The following SFI1 variants were observed in gnomAD, a reference collection of about 807,000 sequenced individuals.
SFI1 encodes the protein SFI1 centrin binding protein, also known as protein SFI1 homolog.
A neutral mutation model predicts 207.5 loss-of-function variants in SFI1; 195 were observed. The observed-to-expected ratio is 0.94, with a 90% CI of 0.84 to 1.06. The LOEUF is 1.06. Ranked by LOEUF, SFI1 falls within the 50% of genes least tolerant of loss-of-function variation. SFI1 has a pLI of 0.00. For synonymous variants in SFI1, 630 were observed against 598.9 expected (o/e 1.05, Z -0.76); for missense variants, 1,634 against 1,588.0 (o/e 1.03, Z -0.49).
In SFI1 at chr22:31,607,976, T is replaced by G; in HGVS notation, c.2197T>G (p.Tyr733Asp). The G allele has an allele frequency of 6.2e-7, 1 of 1,613,908 alleles. No homozygotes were observed. Among genetic ancestry groups the G allele is most frequent in the South Asian group, 1.1e-5 (1 of 91,070 alleles). The change falls in exon 22 of 33, where the codon TAT becomes GAT. Residue 733 changes from tyrosine (Y) to aspartate (D), a missense_variant. Transcript: ENST00000400288. ...GCGGGAAGCTGTGTCAGTGCAGATGTATTACCGACAGCAGGAGGACTGTGC... is the reference window on the plus strand; with the variant it reads ...GCGGGAAGCTGTGTCAGTGCAGATGGATTACCGACAGCAGGAGGACTGTGC... The part of the protein sequence containing the change: ...QWREAVSVQM[Y>D]YRQQEDCAIW...
At chr22:31,551,780 C>T (rs115962556) in intron 6 of SFI1, among the ~76,000 whole-genome samples, 1,960 of 152,256 alleles carry the variant, frequency 0.013, 41 homozygotes, top group African/African-American at 0.045. Flanking sequence ...CATGGCTGTG[C>T]CATTTTGCAT....
At chr22:31,512,301 G>A (rs1475033883) in intron 2 of SFI1, among the ~76,000 whole-genome samples, 3 of 150,640 alleles carry the variant, frequency 2.0e-5, no homozygotes, top group Non-Finnish European at 2.9e-5. Flanking sequence ...GTTGCGGTAA[G>A]CTGAGATTGT....
chr22:31,617,725 A>T (rs2071953506), intron 31 of SFI1, among the ~76,000 whole-genome samples: 1 of 151,994 alleles, frequency 6.6e-6, no homozygotes, highest in Non-Finnish European at 1.5e-5. Flanking sequence ...CATCTCAAAA[A>T]AAAAAAAAAA....
In SFI1 at chr22:31,617,266, C is replaced by G. The variant is rs1051222817; in HGVS notation, c.3512+188C>G. Reference sequence around the variant, plus strand: ...GAAAGACCCCATCTCCACCATGGCTCTCTACCCGGCTCAGTGCTGCTTAGG... The same window carrying G: ...GAAAGACCCCATCTCCACCATGGCTGTCTACCCGGCTCAGTGCTGCTTAGG... On this transcript the variant is annotated intron_variant, in intron 31 of 32. Coordinates refer to ENST00000400288, the MANE Select transcript of SFI1 (RefSeq NM_001007467.3). Among the ~76,000 whole-genome samples, 4 of 152,092 alleles carry G rather than the reference C, an allele frequency of 2.6e-5. No homozygotes were observed. The South Asian group carries it at 6.2e-4, about 24-fold the overall frequency.
At chr22:31,549,388 C>A (rs966562318) in intron 5 of SFI1, among the ~76,000 whole-genome samples, 1 of 149,224 alleles carries the variant, frequency 6.7e-6, no homozygotes, top group Non-Finnish European at 1.5e-5. Flanking sequence ...CTCGGTGTCA[C>A]CCGGGCTGGA....
At chr22:31,541,928 C>T (rs1217834310) in intron 4 of SFI1, among the ~76,000 whole-genome samples, 14 of 151,236 alleles carry the variant, frequency 9.3e-5, no homozygotes, top group Admixed American at 2.6e-4. Flanking sequence ...TGGTGAAACC[C>T]CGTCTCTACT....
rs1359369805 is a variant in SFI1, at chr22:31,568,220, A to G, written c.766-4838A>G. Among the ~76,000 whole-genome samples, 214 of 129,068 alleles carry G rather than the reference A, an allele frequency of 1.7e-3. 1 individual carries two copies. The highest frequency in any genetic ancestry group is 5.9e-3 in the African/African-American group (195 of 33,046). The allele number at this position is 129,068 out of a possible 152,430, so 84.7% of individuals were successfully genotyped here. A position where few individuals can be genotyped will look rare whatever the true frequency, so the allele number is the denominator to read the frequency against. ...TGTGTGTGTGTGTGTGTATATATAT[A>G]TATATATTTTTTTTTTTTTACCATA... On this transcript the variant is annotated intron_variant, in intron 8 of 32. Transcript: ENST00000400288.
At chr22:31,587,135 G>A (rs1290061461) in intron 14 of SFI1, among the ~76,000 whole-genome samples, 3 of 152,128 alleles carry the variant, frequency 2.0e-5, no homozygotes, top group Non-Finnish European at 2.9e-5. Context: ...AGTTGTGTCT[G>A]TACTGAACAT....
In SFI1 at chr22:31,590,977, TTA is replaced by T. The variant is rs1287804171; in HGVS notation, c.1544+1402_1544+1403del. ...TTTATTTATTTATTTATTTATTTAT[TTA>T]TTTTTTTATTGATAATTCTTGGGTG... is the stretch of plus-strand genomic sequence containing the variant. On this transcript the variant is annotated intron_variant, in intron 15 of 32. Transcript: ENST00000400288. Among the ~76,000 whole-genome samples, 1,282 of 150,076 alleles carry T rather than the reference TTA, an allele frequency of 8.5e-3. 13 individuals carry two copies. The highest frequency in any genetic ancestry group is 0.048 in the Middle Eastern group (14 of 294).
intron 27 of SFI1, 144 bp downstream of exon 27, chr22:31,613,999 TC>T: frequency 9.1e-7 from 1 of 1,100,988 alleles, no homozygotes; most frequent in Non-Finnish European, 1.2e-6. Flanking sequence ...CCCCCTCTTC[TC>T]CAGCCAGATC....
rs781487886 is a variant in SFI1 at position 31,573,079 on chromosome 22, C to G, written c.787C>G (p.Gln263Glu). The change falls in exon 9 of 33, where the codon CAG becomes GAG. Residue 263 changes from glutamine to glutamate, a missense_variant. Gln to Glu is a conservative substitution (Grantham distance 29, BLOSUM62 2). Coordinates refer to ENST00000400288, the MANE Select transcript of SFI1 (RefSeq NM_001007467.3). ...TCAGGCTTGGTCACAGTGGCGGGAACAGCTCCTGTATGTCCAGAAGGAGAA... is the reference window on the plus strand; with the variant it reads ...TCAGGCTTGGTCACAGTGGCGGGAAGAGCTCCTGTATGTCCAGAAGGAGAA... ...QVQAWSQWREQLLYVQKEKQK... is the reference protein window; with the variant it reads ...QVQAWSQWREELLYVQKEKQK... 1.9e-6 allele frequency: 3 copies of G among 1,602,328 alleles called. No homozygotes were observed. Among genetic ancestry groups the G allele is most frequent in the Admixed American group, 3.4e-5 (2 of 59,522 alleles).
intron 2 of SFI1, among the ~76,000 whole-genome samples, chr22:31,509,869 T>C (rs2055230352): frequency 6.6e-6 from 1 of 152,148 alleles, no homozygotes; most frequent in Non-Finnish European, 1.5e-5. Context: ...AATTTGGAAG[T>C]GTTCCTCTAT....
At chr22:31,593,706 A>G (rs1379991843) in intron 15 of SFI1, among the ~76,000 whole-genome samples, 2 of 147,438 alleles carry the variant, frequency 1.4e-5, no homozygotes, top group African/African-American at 5.0e-5. Flanking sequence ...CCTGGGCACC[A>G]TTGAGCACTG....
rs756654178 is a variant in SFI1 at position 31,613,418 on chromosome 22, C to T, written c.2630C>T (p.Ala877Val). The T allele has an allele frequency of 1.1e-4, 171 of 1,610,198 alleles. No homozygotes were observed. The highest frequency in any genetic ancestry group is 1.3e-4 in the Non-Finnish European group (149 of 1,179,746). The stretch of plus-strand genomic sequence containing the variant: ...AGAAAGAAGGCGCGGCTGCAGTGGG[C>T]GCTCCAGGCCTACCAGGGGCAGCTC... ...RRRKKARLQW[A>V]LQAYQGQLLQ... The change falls in exon 26 of 33, where the codon GCG becomes GTG. Residue 877 changes from alanine (A) to valine (V), a missense_variant. Transcript: ENST00000400288.
At chr22:31,536,137 C>T in intron 4 of SFI1, among the ~76,000 whole-genome samples, 1 of 152,068 alleles carries the variant, frequency 6.6e-6, no homozygotes, top group East Asian at 1.9e-4. Context: ...CATATGAAGC[C>T]CTGTCCTAGA....
intron 2 of SFI1, among the ~76,000 whole-genome samples, chr22:31,523,115 A>C (rs1264089202): frequency 6.6e-6 from 1 of 152,204 alleles, no homozygotes; most frequent in African/African-American, 2.4e-5. Flanking sequence ...CATATGCTGT[A>C]TTGCTTTTAT....
chr22:31,542,137 G>A (rs967827090), intron 4 of SFI1, among the ~76,000 whole-genome samples: 1 of 148,270 alleles, frequency 6.7e-6, no homozygotes, highest in Non-Finnish European at 1.5e-5. Context: ...TACAGTTTAG[G>A]AGCCAGTCTC....
At position 31,616,680 on chromosome 22, in the gene SFI1, G is replaced by A. The variant is rs899549852; in HGVS notation, c.3301-65G>A. The stretch of plus-strand genomic sequence containing the variant: ...GCAGGGCAGGCAGTGACAAGGACTT[G>A]GTGTCCCCCTCCCTGGCTTCCTCCT... On this transcript the variant is annotated intron_variant, in intron 29 of 32. Coordinates refer to ENST00000400288, the MANE Select transcript of SFI1 (RefSeq NM_001007467.3). 2.4e-5 allele frequency: 36 copies of A among 1,489,748 alleles called. No individual in the cohort carries two copies. The South Asian group carries it at 4.8e-4, about 20-fold the overall frequency. The allele number at this position is 1,489,748 out of a possible 1,614,324, so 92.3% of individuals were successfully genotyped here. A position where few individuals can be genotyped will look rare whatever the true frequency, so the allele number is the denominator to read the frequency against.
intron 8 of SFI1, among the ~76,000 whole-genome samples, chr22:31,567,574 G>T (rs923252404): frequency 3.3e-5 from 5 of 151,720 alleles, no homozygotes; most frequent in Admixed American, 6.6e-5. Flanking sequence ...GTGGAGGGGG[G>T]GGGTGTGTGT....
Sources: allele counts gnomAD v4.1 joint callset (sites outside exome capture counted in the v4.1 genomes callset), GRCh38; gene constraint gnomAD v4.1.1; transcripts MANE v1.5; gene names NCBI Gene and HGNC (gene_info 2026-07-23, HGNC 2026-07-21).